Variants in SLC6A13 observed in about 807,000 individuals in gnomAD.
SLC6A13 encodes solute carrier family 6 member 13, also known as sodium- and chloride-dependent GABA transporter 2.
SLC6A13 carries 69 observed loss-of-function variants against 72.9 expected under a neutral mutation model. The ratio of observed to expected loss-of-function variants is 0.95; its 90% CI spans 0.78 to 1.16. SLC6A13 has a LOEUF of 1.16. Ranked by LOEUF, SLC6A13 falls within the 50% of genes most tolerant of loss-of-function variation. The probability of loss-of-function intolerance (pLI) is 0.00; values close to 1 mark genes in which losing one functional copy is unlikely to be tolerated. For missense variants in SLC6A13, 735 were observed against 760.5 expected (o/e 0.97, Z 0.39); for synonymous variants, 303 against 303.0 (o/e 1.00, Z 0.00).
chr12:227,639 G>A lies in SLC6A13; in HGVS notation c.861C>T (p.Phe287=). The change falls in exon 8 of 15, where the codon TTC becomes TTT. Residue 287 remains phenylalanine (F), a synonymous_variant. Transcript: ENST00000343164. The part of the protein sequence containing the change: ...QVWMDAGTQI[F]FSFAICLGCL... Reference sequence around the variant, plus strand: ...ACCCAAGACAGATGGCGAAGGAGAAGAATATCTGGGTGCCTGCATCCATCC... The same window carrying A: ...ACCCAAGACAGATGGCGAAGGAGAAAAATATCTGGGTGCCTGCATCCATCC... 1.9e-6 allele frequency: 3 copies of A among 1,612,880 alleles called. No individual in the cohort carries two copies. The highest frequency in any genetic ancestry group is 2.5e-6 in the Non-Finnish European group (3 of 1,179,270).
chr12:229,787 C>T (rs905540575), intron 7 of SLC6A13, among the ~76,000 whole-genome samples: 5 of 152,178 alleles, frequency 3.3e-5, no homozygotes, highest in African/African-American at 1.2e-4. Flanking sequence ...TGCCCACACA[C>T]ATTCAGAGGC....
chr12:237,240 C>T lies in SLC6A13; in HGVS notation c.614G>A (p.Arg205His), dbSNP rs373279173. 1.5e-5 allele frequency: 25 copies of T among 1,613,868 alleles called. No homozygotes were observed. The highest frequency in any genetic ancestry group is 3.3e-4 in the Middle Eastern group (2 of 6,084). The change falls in exon 6 of 15, where the codon CGC (arginine) becomes CAC (histidine). Residue 205 changes from arginine to histidine, a missense_variant. Physicochemically the swap from Arg to His is conservative, Grantham distance 29. Transcript: ENST00000343164. The part of the protein sequence containing the change: ...SDGIQHLGAL[R>H]WELALCLLLA... ...CAGGAGGCACAGAGCCAGCTCCCAGCGCAGGGCCCCCAGGTGCTGGATCCC... is the reference window on the plus strand; with the variant it reads ...CAGGAGGCACAGAGCCAGCTCCCAGTGCAGGGCCCCCAGGTGCTGGATCCC...
Position 226,473 on chromosome 12 carries a change from A to G in SLC6A13, c.977T>C (p.Phe326Ser), listed in dbSNP as rs763147790. The G allele has an allele frequency of 1.2e-6, 2 of 1,614,062 alleles. No homozygotes were observed. The highest frequency in any genetic ancestry group is 1.7e-6 in the Non-Finnish European group (2 of 1,179,920). The stretch of plus-strand genomic sequence containing the variant: ...GGAGAAGATGGCAAAGCCGGCCACA[A>G]AGCTGGTGCCGCTGTTGAGGAAGCA... ...ALCFLNSGTSFVAGFAIFSIL... is the reference protein window; with the variant it reads ...ALCFLNSGTSSVAGFAIFSIL... Residue 326 changes from phenylalanine to serine, a missense_variant, in exon 9 of 15, where the codon TTT (phenylalanine) becomes TCT (serine). Physicochemically the swap from Phe to Ser is radical, Grantham distance 155. Coordinates refer to ENST00000343164, the MANE Select transcript of SLC6A13 (RefSeq NM_016615.5).
chr12:222,394 A>G, intron 13 of SLC6A13, 138 bp downstream of exon 13: 5 of 575,632 alleles, frequency 8.7e-6, no homozygotes, highest in Non-Finnish European at 1.5e-5. Flanking sequence ...TCTAGAATCC[A>G]AAAGGAGGAT....
intron 1 of SLC6A13, among the ~76,000 whole-genome samples, chr12:261,707 C>A (rs914386970): frequency 6.6e-6 from 1 of 152,252 alleles, no homozygotes; most frequent in East Asian, 1.9e-4. Context: ...GGGTGGATCT[C>A]CTGAGGTCAG....
At chr12:223,669 G>T (rs931850002) in intron 11 of SLC6A13, 1 of 365,960 alleles carries the variant, frequency 2.7e-6, no homozygotes, top group African/African-American at 2.0e-5. Flanking sequence ...TTTGTACATA[G>T]AACTTGGTTC....
intron 6 of SLC6A13, 140 bp from the exon 7 acceptor site, chr12:235,364 T>C: frequency 1.3e-6 from 1 of 796,218 alleles, no homozygotes; most frequent in Non-Finnish European, 2.0e-6. Flanking sequence ...CATCCACAGC[T>C]GTTTAGTTCT....
At chr12:223,505 C>G (rs372685053) in intron 11 of SLC6A13, among the ~76,000 whole-genome samples, 1 of 152,086 alleles carries the variant, frequency 6.6e-6, no homozygotes, top group African/African-American at 2.4e-5. Flanking sequence ...GCACTGGCCA[C>G]GAAGCCCAAG....
intron 2 of SLC6A13, among the ~76,000 whole-genome samples, chr12:250,118 A>C (rs1377137323): frequency 2.0e-5 from 3 of 152,164 alleles, no homozygotes; most frequent in Non-Finnish European, 2.9e-5. Context: ...AACTCCCAGC[A>C]ATGATGAGGA....
At chr12:232,275 G>T (rs541933544) in intron 7 of SLC6A13, among the ~76,000 whole-genome samples, 1 of 152,052 alleles carries the variant, frequency 6.6e-6, no homozygotes, top group Non-Finnish European at 1.5e-5. Context: ...CGGCCTACCC[G>T]CAGACAAAGG....
intron 9 of SLC6A13, among the ~76,000 whole-genome samples, chr12:225,431 C>G (rs949060068): frequency 1.3e-5 from 2 of 152,232 alleles, no homozygotes; most frequent in Non-Finnish European, 2.9e-5. Flanking sequence ...GGGTGGATCA[C>G]TTGAGGCCAG....
In SLC6A13 at chr12:224,142, G is replaced by T; in HGVS notation, c.1174-13C>A. The T allele has an allele frequency of 3.1e-6, 5 of 1,614,036 alleles. No homozygotes were observed. In the South Asian group the frequency reaches 3.3e-5, roughly 11 times the overall value. Reference sequence around the variant, plus strand: ...CTACACACACAAACTGGATGACAGGGCAAAGGGATTGGAGGGAAGGAGAGC... The same window carrying T: ...CTACACACACAAACTGGATGACAGGTCAAAGGGATTGGAGGGAAGGAGAGC... On this transcript the variant is annotated splice_polypyrimidine_tract_variant and intron_variant, in intron 10 of 14. Coordinates refer to ENST00000343164, the MANE Select transcript of SLC6A13 (RefSeq NM_016615.5).
rs776521287 is a variant in SLC6A13, at chr12:243,758, G to A, written c.258C>T (p.Phe86=). The change falls in exon 3 of 15, where the codon TTC becomes TTT. Residue 86 remains phenylalanine (F), a synonymous_variant. Transcript: ENST00000343164. ...VFLFTCGIPV[F]LLETALGQYT... ...ACTGGCCTAGTGCTGTCTCCAGAAGGAAGACAGGAATGCCACAGGTAAAGA... is the reference window on the plus strand; with the variant it reads ...ACTGGCCTAGTGCTGTCTCCAGAAGAAAGACAGGAATGCCACAGGTAAAGA... 67 of 1,614,084 alleles carry A rather than the reference G, an allele frequency of 4.2e-5. No homozygotes were observed. The highest frequency in any genetic ancestry group is 3.3e-4 in the Middle Eastern group (2 of 6,084).
intron 4 of SLC6A13, among the ~76,000 whole-genome samples, chr12:242,082 G>A (rs912377195): frequency 1.3e-5 from 2 of 152,188 alleles, no homozygotes; most frequent in Admixed American, 6.5e-5. Context: ...ATCCAAGGAC[G>A]AAATTGCCAA....
chr12:226,288 C>T (rs1243189196), intron 9 of SLC6A13, 102 bp downstream of exon 9: 4 of 1,410,556 alleles, frequency 2.8e-6, no homozygotes, highest in Non-Finnish European at 4.0e-6. Context: ...GTGGCCGTAG[C>T]TCACCCAGAG....
In SLC6A13 at chr12:238,253, G is replaced by C. The variant is rs756776111; in HGVS notation, c.479-243C>G. 4 of 1,489,018 alleles carry C rather than the reference G, an allele frequency of 2.7e-6. No homozygotes were observed. In the East Asian group the frequency reaches 8.2e-5, roughly 30 times the overall value. 92.2% of individuals were successfully genotyped at this position (1,489,018 alleles called of 1,614,324 possible). On this transcript the variant is annotated intron_variant, in intron 4 of 14. Transcript: ENST00000343164. ...TTGGGTATACATTCTCCTCAAGCAT[G>C]ATCAGATGGCAACAGGAAAGGTGCT...
chr12:260,585 G>C (rs1024127082), intron 1 of SLC6A13, among the ~76,000 whole-genome samples: 2 of 152,140 alleles, frequency 1.3e-5, no homozygotes, highest in South Asian at 4.1e-4. Flanking sequence ...GCGAAAAATC[G>C]GAAAGTACAT....
At chr12:223,938 C>A in intron 11 of SLC6A13, 54 bp downstream of exon 11, 2 of 1,597,138 alleles carry the variant, frequency 1.3e-6, no homozygotes, top group Non-Finnish European at 1.7e-6. Context: ...TGACAGGTAG[C>A]AGCTGTCACT....
At position 221,546 on chromosome 12, in the gene SLC6A13, C is replaced by A; in HGVS notation, c.1516G>T (p.Ala506Ser). 1 of 1,578,418 alleles carries A rather than the reference C, an allele frequency of 6.3e-7. No homozygotes were observed. Among genetic ancestry groups the A allele is most frequent in the Non-Finnish European group, 8.6e-7 (1 of 1,159,954 alleles). The change falls in exon 14 of 15, where the codon GCC becomes TCC. Residue 506 changes from alanine to serine, a missense_variant and splice_region_variant. Ala to Ser is a moderately conservative substitution (Grantham distance 99). Transcript: ENST00000343164. ...WLFLTPAVCT[A>S]TFLFSLIKYT... Reference sequence around the variant, plus strand: ...TTTATCAGGGAGAAGAGAAAGGTGGCCTGAGGGGGAGAGCAGAAGAGAAAG... The same window carrying A: ...TTTATCAGGGAGAAGAGAAAGGTGGACTGAGGGGGAGAGCAGAAGAGAAAG...
Sources: gnomAD v4.1 joint callset for allele counts (sites outside exome capture counted in the v4.1 genomes callset) on GRCh38, gnomAD v4.1.1 for gene constraint, MANE v1.5 for transcripts, NCBI Gene and HGNC (gene_info 2026-07-23, HGNC 2026-07-21) for gene names.